PDGFRA: variants seen among roughly 807,000 people sequenced by gnomAD.
PDGFRA encodes the protein platelet derived growth factor receptor alpha.
In PDGFRA, 25 loss-of-function variants were observed where a neutral mutation model predicts 121.5. That is an observed-to-expected ratio of 0.21 (90% CI 0.15 to 0.29). PDGFRA has a LOEUF of 0.29. PDGFRA is among the 10% of genes least tolerant of loss of function. PDGFRA has a pLI of 1.00. For synonymous variants in PDGFRA, 463 were observed against 494.8 expected (o/e 0.94, Z 0.85); for missense variants, 1,008 against 1,345.1 (o/e 0.75, Z 3.92).
rs1722875527 is a variant in PDGFRA, at chr4:54,263,723, G to A, written c.424G>A (p.Asp142Asn). The part of the protein sequence containing the change: ...GMTDYLVIVE[D>N]DDSAIIPCRT... ...GACGGATTATTTAGTCATCGTGGAG[G>A]ATGATGATTCTGCCATTATACCTTG... is the stretch of plus-strand genomic sequence containing the variant. Residue 142 changes from aspartate (D) to asparagine (N), a missense_variant, in exon 4 of 23, where the codon GAT becomes AAT. By Grantham distance (23) the Asp-to-Asn change is conservative. Around this residue, in one of 5 missense-constraint regions of PDGFRA, gnomAD observed 575 missense variants for 701.8 expected, o/e 0.82. Transcript: ENST00000257290. 1.9e-6 allele frequency: 3 copies of A among 1,613,730 alleles called. No homozygotes were observed. The highest frequency in any genetic ancestry group is 1.7e-4 in the Middle Eastern group (1 of 6,060).
intron 1 of PDGFRA, among the ~76,000 whole-genome samples, chr4:54,254,109 G>A (rs576853347): frequency 2.0e-5 from 3 of 152,326 alleles, no homozygotes; most frequent in South Asian, 2.1e-4. Flanking sequence ...AGCATTTAGA[G>A]TAGAAAAAGT....
At chr4:54,273,148 G>A (rs1723496964) in intron 9 of PDGFRA, among the ~76,000 whole-genome samples, 1 of 152,142 alleles carries the variant, frequency 6.6e-6, no homozygotes, top group Non-Finnish European at 1.5e-5. Flanking sequence ...CACCCTAGGG[G>A]CTCTTCCCAG....
chr4:54,262,791 C>T (rs1722823323), intron 3 of PDGFRA, among the ~76,000 whole-genome samples: 1 of 152,110 alleles, frequency 6.6e-6, no homozygotes, highest in African/African-American at 2.4e-5. Flanking sequence ...GGGATTTTCC[C>T]CTGCTGTGAA....
intron 1 of PDGFRA, among the ~76,000 whole-genome samples, chr4:54,234,702 G>A (rs1226954014): frequency 6.6e-6 from 1 of 152,114 alleles, no homozygotes; most frequent in Non-Finnish European, 1.5e-5. Context: ...TGTGAGGAGG[G>A]TAGTGGGGGG....
intron 10 of PDGFRA, 147 bp from the exon 11 acceptor site, chr4:54,274,384 G>C (rs1374855628): frequency 5.7e-6 from 4 of 702,274 alleles, no homozygotes; most frequent in Non-Finnish European, 1.0e-5. Context: ...AGATGGTACT[G>C]CCTATCCCTA....
intron 1 of PDGFRA, among the ~76,000 whole-genome samples, chr4:54,236,502 G>T (rs375317580): frequency 6.6e-6 from 1 of 152,200 alleles, no homozygotes; most frequent in African/African-American, 2.4e-5. Context: ...GATAAGTAAT[G>T]ACATGAAACT....
In PDGFRA at chr4:54,297,831, G is replaced by A. The variant is rs138584193; in HGVS notation, c.*2559G>A. 4.0e-3 allele frequency: 935 copies of A among 233,590 alleles called. 24 individuals carry two copies. The Admixed American group carries it at 0.047, about 12-fold the overall frequency. The allele number at this position is 233,590 out of a possible 1,614,324, so 14.5% of individuals were successfully genotyped here. Reference sequence around the variant, plus strand: ...AAACGATTAGTGATGTCCTTAAAATGTGGTCTGCCAATCTGTACAAAATGG... The same window carrying A: ...AAACGATTAGTGATGTCCTTAAAATATGGTCTGCCAATCTGTACAAAATGG... On this transcript the variant is annotated 3_prime_UTR_variant, in exon 23 of 23. Transcript: ENST00000257290.
chr4:54,254,675 T>C, intron 1 of PDGFRA, among the ~76,000 whole-genome samples: 1 of 152,186 alleles, frequency 6.6e-6, no homozygotes, highest in Non-Finnish European at 1.5e-5. Flanking sequence ...CTTTGAAGTT[T>C]GCTGAGTGGA....
intron 5 of PDGFRA, 71 bp downstream of exon 5, chr4:54,265,120 G>A (rs993782385): frequency 3.6e-5 from 52 of 1,441,624 alleles, no homozygotes; most frequent in African/African-American, 4.2e-5. Context: ...ATTTGAGCTC[G>A]GTCTGTCACT....
chr4:54,296,858 A>C lies in PDGFRA; in HGVS notation c.*1586A>C. On this transcript the variant is annotated 3_prime_UTR_variant, in exon 23 of 23. Transcript: ENST00000257290. ...TGACATTTAATGCCATCTAGCTAGC[A>C]ATTGCGACCTTAATTTAACTTTCCA... 4.3e-6 allele frequency: 1 copy of C among 233,050 alleles called. No individual in the cohort carries two copies. Among genetic ancestry groups the C allele is most frequent in the African/African-American group, 2.2e-5 (1 of 45,462 alleles). The allele number at this position is 233,050 out of a possible 1,614,324, so 14.4% of individuals were successfully genotyped here.
intron 1 of PDGFRA, among the ~76,000 whole-genome samples, chr4:54,246,565 CA>C (rs989788528): frequency 6.4e-4 from 98 of 152,222 alleles, no homozygotes; most frequent in African/African-American, 2.0e-3. Flanking sequence ...ACATTCAAAG[CA>C]GTGTGTAGAG....
chr4:54,233,320 G>T (rs1385733428), intron 1 of PDGFRA, among the ~76,000 whole-genome samples: 1 of 152,212 alleles, frequency 6.6e-6, no homozygotes, highest in Non-Finnish European at 1.5e-5. Context: ...TCAGAAGCCG[G>T]ACAGTGGCGG....
intron 1 of PDGFRA, among the ~76,000 whole-genome samples, chr4:54,241,899 T>C (rs1721321037): frequency 6.6e-6 from 1 of 152,172 alleles, no homozygotes; most frequent in African/African-American, 2.4e-5. Flanking sequence ...TGCCCTATGT[T>C]AAAACAAGTT....
At chr4:54,263,435 T>G (rs1011904131) in intron 3 of PDGFRA, among the ~76,000 whole-genome samples, 6 of 152,142 alleles carry the variant, frequency 3.9e-5, no homozygotes, top group Non-Finnish European at 8.8e-5. Context: ...AGTATTGATA[T>G]TTATCATCAG....
At chr4:54,244,540 A>G (rs1290987192) in intron 1 of PDGFRA, among the ~76,000 whole-genome samples, 1 of 152,234 alleles carries the variant, frequency 6.6e-6, no homozygotes, top group African/African-American at 2.4e-5. Context: ...ACAAACAGAA[A>G]GGACATCCAC....
chr4:54,283,971 T>C (rs970791358), intron 16 of PDGFRA, among the ~76,000 whole-genome samples: 5 of 152,326 alleles, frequency 3.3e-5, no homozygotes, highest in African/African-American at 1.2e-4. Context: ...CTGTAGGCTA[T>C]TGGAAGCAGC....
intron 1 of PDGFRA, among the ~76,000 whole-genome samples, chr4:54,246,155 C>T (rs1560454831): frequency 2.0e-5 from 3 of 152,156 alleles, no homozygotes; most frequent in Non-Finnish European, 1.5e-5. Context: ...TTAGACAGAT[C>T]AACGAGACAA....
intron 22 of PDGFRA, among the ~76,000 whole-genome samples, chr4:54,293,771 G>A (rs1250648252): frequency 6.6e-6 from 1 of 152,128 alleles, no homozygotes; most frequent in Admixed American, 6.5e-5. Context: ...CTAATGCCCA[G>A]GCAGGACTGA....
Position 54,277,928 on chromosome 4 carries a change from A to G in PDGFRA, c.1924A>G (p.Met642Val), listed in dbSNP as rs2110311191. The G allele has an allele frequency of 1.2e-6, 2 of 1,613,598 alleles. No homozygotes were observed. The highest frequency in any genetic ancestry group is 1.7e-6 in the Non-Finnish European group (2 of 1,179,506). ...CAGATCCAGTGAAAAACAAGCTCTC[A>G]TGTCTGAACTGAAGATAATGACTCA... The part of the protein sequence containing the change: ...TARSSEKQAL[M>V]SELKIMTHLG... The change falls in exon 14 of 23, where the codon ATG (methionine) becomes GTG (valine). Residue 642 changes from methionine to valine, a missense_variant. Met to Val is a conservative substitution (Grantham distance 21). Transcript: ENST00000257290.
Sources: gnomAD v4.1 joint callset for allele counts (sites outside exome capture counted in the v4.1 genomes callset) on GRCh38, gnomAD v4.1.1 for gene constraint, gnomAD v4.1.1 regional missense constraint, MANE v1.5 for transcripts, NCBI Gene and HGNC (gene_info 2026-07-23, HGNC 2026-07-21) for gene names.